DENND2B: variants seen among roughly 807,000 people sequenced by gnomAD.
DENND2B encodes DENN domain-containing protein 2B.
A neutral mutation model predicts 116.0 loss-of-function variants in DENND2B; 32 were observed. That is an observed-to-expected ratio of 0.28 (90% CI 0.21 to 0.37). DENND2B has a LOEUF of 0.37. Among genes scored for constraint, DENND2B ranks in the 10% least tolerant of loss-of-function variants. The probability of loss-of-function intolerance (pLI) is 1.00; values close to 1 mark genes in which losing one functional copy is unlikely to be tolerated. For synonymous variants in DENND2B, 588 were observed against 583.9 expected (o/e 1.01, Z -0.10); for missense variants, 1,276 against 1,477.7 (o/e 0.86, Z 2.24).
At chr11:8,864,559 CAG>C (rs2063514130) in intron 2 of DENND2B, among the ~76,000 whole-genome samples, 1 of 152,196 alleles carries the variant, frequency 6.6e-6, no homozygotes, top group East Asian at 1.9e-4. Flanking sequence ...TGTTAGCCAC[CAG>C]GCCTGGCCTC....
At chr11:8,869,933 C>A (rs1267079609) in intron 2 of DENND2B, among the ~76,000 whole-genome samples, 2 of 151,104 alleles carry the variant, frequency 1.3e-5, no homozygotes, top group Non-Finnish European at 1.5e-5. Context: ...CTAATTCTGG[C>A]AAAAAAAAAT....
chr11:8,721,548 C>A (rs543387762), intron 4 of DENND2B, among the ~76,000 whole-genome samples: 1 of 152,274 alleles, frequency 6.6e-6, no homozygotes, highest in South Asian at 2.1e-4. Flanking sequence ...TGGTTCTCAG[C>A]CTTTTTCCCT....
intron 4 of DENND2B, among the ~76,000 whole-genome samples, chr11:8,817,156 C>A (rs2134529393): frequency 6.6e-6 from 1 of 152,282 alleles, no homozygotes; most frequent in East Asian, 1.9e-4. Context: ...TCAGACTCAC[C>A]CCTATCCATA....
chr11:8,712,512 G>T lies in DENND2B; in HGVS notation c.2172+39C>A, dbSNP rs752290150. On this transcript the variant is annotated intron_variant, in intron 9 of 19. Transcript: ENST00000313726. This position sits in a 1 kb window ranked among gnomAD's most constrained non-coding sequence, Gnocchi z 4.4. ...GGCCTGGCGGATAGAGGATGGAAGA[G>T]GGGGAATATGGGCAAGGTGGGGAGA... The T allele has an allele frequency of 6.1e-5, 93 of 1,534,194 alleles. No homozygotes were observed. The highest frequency in any genetic ancestry group is 1.7e-4 in the Middle Eastern group (1 of 5,920).
At chr11:8,856,728 C>G (rs1032196476) in intron 3 of DENND2B, among the ~76,000 whole-genome samples, 3 of 151,674 alleles carry the variant, frequency 2.0e-5, no homozygotes, top group Non-Finnish European at 2.9e-5. Flanking sequence ...TTCCTTCAGT[C>G]TCTCCTCACT....
chr11:8,702,644 A>G lies in DENND2B; in HGVS notation c.2648T>C (p.Val883Ala), dbSNP rs113126215. 6.0e-3 allele frequency: 9,639 copies of G among 1,613,966 alleles called. 44 individuals are homozygous for G. Among genetic ancestry groups the G allele is most frequent in the Non-Finnish European group, 6.5e-3 (7,699 of 1,180,018 alleles). Reference protein sequence around the residue: ...DFECLFTCLSVRQLIRIFASL... With the variant: ...DFECLFTCLSARQLIRIFASL... ...GGCAAAGATTCGGATGAGCTGGCGC[A>G]CACTGAGGCAGGTAAAAAGGCACTC... Residue 883 changes from valine to alanine, a missense_variant, in exon 14 of 20, where the codon GTG becomes GCG. Around this residue, in one of 2 missense-constraint regions of DENND2B, gnomAD observed 420 missense variants for 631.1 expected, o/e 0.67. Transcript: ENST00000313726. This position sits in a 1 kb window ranked among gnomAD's most constrained non-coding sequence, Gnocchi z 4.6.
upstream of DENND2B, chr11:8,871,388 C>T (rs1420666623): frequency 6.6e-6 from 1 of 152,218 alleles, no homozygotes; most frequent in Non-Finnish European, 1.5e-5. Flanking sequence ...ACAACGGGGT[C>T]TGAAACTTTA....
intron 3 of DENND2B, among the ~76,000 whole-genome samples, chr11:8,846,855 G>A (rs2062832651): frequency 6.6e-6 from 1 of 152,210 alleles, no homozygotes; most frequent in Non-Finnish European, 1.5e-5. Context: ...GCTCTTTGCT[G>A]TAGGTGTTTG....
chr11:8,839,499 G>A (rs2062551854), intron 3 of DENND2B: 1 of 152,184 alleles, frequency 6.6e-6, no homozygotes, highest in African/African-American at 2.4e-5. Flanking sequence ...AAGGTGGGCG[G>A]GGAGTTCCAC....
chr11:8,897,927 T>C (rs1316801897), intron 1 of DENND2B, among the ~76,000 whole-genome samples: 2 of 152,146 alleles, frequency 1.3e-5, no homozygotes, highest in Admixed American at 6.5e-5. Context: ...TGCACCACCA[T>C]GCCCAGCTAA....
chr11:8,707,734 G>A lies in DENND2B; in HGVS notation c.2430+43C>T. On this transcript the variant is annotated intron_variant, in intron 12 of 19. Transcript: ENST00000313726. The surrounding 1 kb of genome is among the most constrained non-coding windows in gnomAD (Gnocchi z 4.8). The stretch of plus-strand genomic sequence containing the variant: ...GGCTGCAGATACTCCTGTGGGAGCT[G>A]TCAGCTGGGGGACGGGGAGGGAAGC... 1.3e-6 allele frequency: 2 copies of A among 1,568,550 alleles called. No homozygotes were observed. Among genetic ancestry groups the A allele is most frequent in the South Asian group, 2.3e-5 (2 of 85,984 alleles).
intron 1 of DENND2B, among the ~76,000 whole-genome samples, chr11:8,754,031 A>G (rs1604523): frequency 0.15 from 2,415 of 16,036 alleles, 42 homozygotes; most frequent in African/African-American, 0.18. Context: ...AAAAGCGCGC[A>G]CACACACACA....
chr11:8,896,919 A>C (rs980216216), intron 1 of DENND2B, among the ~76,000 whole-genome samples: 2 of 152,146 alleles, frequency 1.3e-5, no homozygotes, highest in Non-Finnish European at 2.9e-5. Context: ...TCTGTACAAA[A>C]CTGTTAAAAC....
intron 19 of DENND2B, chr11:8,694,522 C>G (rs2039981080): frequency 2.2e-6 from 1 of 462,624 alleles, no homozygotes; most frequent in South Asian, 1.6e-5. Flanking sequence ...CATATTCACT[C>G]AGGAAGGAGT....
chr11:8,769,662 T>A (rs2056517512), intron 1 of DENND2B, among the ~76,000 whole-genome samples: 3 of 152,184 alleles, frequency 2.0e-5, no homozygotes, highest in Admixed American at 6.5e-5. Context: ...GTGCCTCCGC[T>A]CTGAGCCAGC....
At chr11:8,847,761 A>G (rs1391027402) in intron 3 of DENND2B, among the ~76,000 whole-genome samples, 1 of 152,206 alleles carries the variant, frequency 6.6e-6, no homozygotes, top group African/African-American at 2.4e-5. Context: ...TGATGAATGC[A>G]ATAAAAACAG....
At chr11:8,774,064 T>C in intron 1 of DENND2B, 5 of 974,962 alleles carry the variant, frequency 5.1e-6, no homozygotes, top group Non-Finnish European at 6.1e-6. Flanking sequence ...AGAGAACAGT[T>C]CCAACCACGA....
intron 2 of DENND2B, among the ~76,000 whole-genome samples, chr11:8,860,148 A>G (rs2063344266): frequency 6.6e-6 from 1 of 152,248 alleles, no homozygotes; most frequent in Non-Finnish European, 1.5e-5. Context: ...TCAACTAGTT[A>G]CTATGAATAT....
At chr11:8,861,646 T>C (rs555344580) in intron 2 of DENND2B, among the ~76,000 whole-genome samples, 112 of 152,246 alleles carry the variant, frequency 7.4e-4, no homozygotes, top group African/African-American at 2.6e-3. Flanking sequence ...TAACTAAAAA[T>C]AGATCTACCA....
Sources: allele counts gnomAD v4.1 joint callset (sites outside exome capture counted in the v4.1 genomes callset), GRCh38; gene constraint gnomAD v4.1.1; regional missense constraint gnomAD v4.1.1; non-coding constraint Gnocchi (gnomAD v3.1); transcripts MANE v1.5; gene names NCBI Gene and HGNC (gene_info 2026-07-23, HGNC 2026-07-21).